The following CPXM1 variants were observed in gnomAD, a reference collection of about 807,000 sequenced individuals.
CPXM1 encodes probable carboxypeptidase X1.
Under a neutral mutation model 80.4 loss-of-function variants are expected in CPXM1, and 72 were observed. That is an observed-to-expected ratio of 0.90 (90% CI 0.74 to 1.09). The LOEUF (loss-of-function observed/expected upper bound fraction) is 1.09. CPXM1 is among the 50% of genes least tolerant of loss of function. The pLI is 0.00. For missense variants in CPXM1, 892 were observed against 999.4 expected, an observed-to-expected ratio of 0.89 and a Z score of 1.45; for synonymous variants, 403 against 405.6, an observed-to-expected ratio of 0.99 and a Z score of 0.08.
Position 2,795,867 on chromosome 20 carries a change from C to G in CPXM1, c.1452G>C (p.Lys484Asn). The G allele has an allele frequency of 6.2e-7, 1 of 1,611,654 alleles. No homozygotes were observed. The highest frequency in any genetic ancestry group is 8.5e-7 in the Non-Finnish European group (1 of 1,178,898). Reference protein sequence around the residue: ...TVAPETRAVIKWMKRIPFVLS... With the variant: ...TVAPETRAVINWMKRIPFVLS... ...GCACAAAGGGGATCCGCTTCATCCACTTGATTACTGCCCGCGTTTCAGGAG... is the reference window on the plus strand; with the variant it reads ...GCACAAAGGGGATCCGCTTCATCCAGTTGATTACTGCCCGCGTTTCAGGAG... The change falls in exon 11 of 14, where the codon AAG (lysine) becomes AAC (asparagine). Residue 484 changes from lysine (K) to asparagine (N), a missense_variant. Physicochemically the swap from Lys to Asn is moderately conservative, Grantham distance 94 (BLOSUM62 0). Around this residue, in one of 2 missense-constraint regions of CPXM1, gnomAD observed 874 missense variants for 958.4 expected, o/e 0.91. Coordinates refer to ENST00000380605, the MANE Select transcript of CPXM1 (RefSeq NM_019609.5). The surrounding 1 kb of genome is among the most constrained non-coding windows in gnomAD (Gnocchi z 5.4).
Position 2,794,386 on chromosome 20 carries a change from A to T in CPXM1, c.2009T>A (p.Met670Lys), listed in dbSNP as rs766560640. The change falls in exon 14 of 14, where the codon ATG becomes AAG. Residue 670 changes from methionine to lysine, a missense_variant. Met to Lys is a moderately conservative substitution (Grantham distance 95). Around this residue, in one of 2 missense-constraint regions of CPXM1, gnomAD observed 874 missense variants for 958.4 expected, o/e 0.91. Transcript: ENST00000380605. This position sits in a 1 kb window ranked among gnomAD's most constrained non-coding sequence, Gnocchi z 5.2. ...GTAGCCCTCGGCACTGGCAGTCACC[A>T]TGTAGTCCCCTGGGGTCAGCAGACG... ...YWRLLTPGDY[M>K]VTASAEGYHS... 1 of 1,614,098 alleles carries T rather than the reference A, an allele frequency of 6.2e-7. No homozygotes were observed. The highest frequency in any genetic ancestry group is 8.5e-7 in the Non-Finnish European group (1 of 1,180,004).
Position 2,797,335 on chromosome 20 carries a change from G to T in CPXM1, c.689C>A (p.Pro230His). ...NHSSGMDAVFPANSDPETPVL... is the reference protein window; with the variant it reads ...NHSSGMDAVFHANSDPETPVL... ...TGGAGTTTCTGGGTCTGAATTGGCA[G>T]GAAATACCTGGGGGCAGCAAGTTCT... The change falls in exon 6 of 14, where the codon CCT (proline) becomes CAT (histidine). Residue 230 changes from proline to histidine, a missense_variant. By Grantham distance (77) the Pro-to-His change is moderately conservative. This residue lies in a region of CPXM1 where 874 missense variants were observed against 958.4 expected (regional missense o/e 0.91). Transcript: ENST00000380605. The T allele has an allele frequency of 6.7e-7, 1 of 1,497,246 alleles. No individual in the cohort carries two copies. Among genetic ancestry groups the T allele is most frequent in the South Asian group, 1.3e-5 (1 of 76,168 alleles). The allele number at this position is 1,497,246 out of a possible 1,614,324, so 92.7% of individuals were successfully genotyped here.
intron 1 of CPXM1, 89 bp from the exon 2 acceptor site, chr20:2,798,982 C>T: frequency 1.5e-6 from 2 of 1,357,606 alleles, no homozygotes; most frequent in Middle Eastern, 2.4e-4. Flanking sequence ...GACATGTGAG[C>T]CCACAGCAGG....
intron 5 of CPXM1, among the ~76,000 whole-genome samples, chr20:2,797,750 C>T (rs897876068): frequency 1.3e-5 from 2 of 152,212 alleles, no homozygotes; most frequent in African/African-American, 4.8e-5. Context: ...AAGCAGCACC[C>T]ACCCTGTGGT....
Position 2,796,794 on chromosome 20 carries a change from C to A in CPXM1, c.922-144G>T. 7.9e-7 allele frequency: 1 copy of A among 1,269,126 alleles called. No homozygotes were observed. The highest frequency in any genetic ancestry group is 2.2e-5 in the Admixed American group (1 of 44,806). The allele number at this position is 1,269,126 out of a possible 1,614,324, so 78.6% of individuals were successfully genotyped here. On this transcript the variant is annotated intron_variant, in intron 7 of 13. Coordinates refer to ENST00000380605, the MANE Select transcript of CPXM1 (RefSeq NM_019609.5). The surrounding 1 kb of genome is among the most constrained non-coding windows in gnomAD (Gnocchi z 6.8). ...TCATGGTACAGGAGGGGAGCGGCAGCAGAGCCGGGAGGAAGGGGTAGGACT... is the reference window on the plus strand; with the variant it reads ...TCATGGTACAGGAGGGGAGCGGCAGAAGAGCCGGGAGGAAGGGGTAGGACT...
intron 1 of CPXM1, 104 bp from the exon 2 acceptor site, chr20:2,798,997 A>ACC: frequency 8.4e-7 from 1 of 1,188,268 alleles, no homozygotes; most frequent in East Asian, 2.3e-5. Context: ...AGCAGGCCAC[A>ACC]CCACCAGGAT....
In CPXM1 at chr20:2,796,061, T is replaced by C; in HGVS notation, c.1343A>G (p.Gln448Arg). 2 of 1,614,088 alleles carry C rather than the reference T, an allele frequency of 1.2e-6. No homozygotes were observed. Among genetic ancestry groups the C allele is most frequent in the Non-Finnish European group, 8.5e-7 (1 of 1,179,988 alleles). Residue 448 changes from glutamine to arginine, a missense_variant, in exon 10 of 14, where the codon CAG (glutamine) becomes CGG (arginine). Physicochemically the swap from Gln to Arg is conservative, Grantham distance 43 (BLOSUM62 1). Coordinates refer to ENST00000380605, the MANE Select transcript of CPXM1 (RefSeq NM_019609.5). This position sits in a 1 kb window ranked among gnomAD's most constrained non-coding sequence, Gnocchi z 6.8. ...ADLNTPLWEA[Q>R]DDGKVPHIVP... ...GATGTGGGGCACCTTCCCATCGTCCTGTGCTTCCCACAGTGGTGTGTTGAG... is the reference window on the plus strand; with the variant it reads ...GATGTGGGGCACCTTCCCATCGTCCCGTGCTTCCCACAGTGGTGTGTTGAG...
In CPXM1 at chr20:2,795,898, T is replaced by G; in HGVS notation, c.1423-2A>C. ...TACTGCCCGCGTTTCAGGAGCCACC[T>G]GGATGGGGCAGGTCAGGAGGGGCAG... is the stretch of plus-strand genomic sequence containing the variant. On this transcript the variant is annotated splice_acceptor_variant, in intron 10 of 13. Transcript: ENST00000380605. LOFTEE classifies it high-confidence loss of function. The surrounding 1 kb of genome is among the most constrained non-coding windows in gnomAD (Gnocchi z 5.4). The G allele has an allele frequency of 1.2e-6, 2 of 1,608,854 alleles. No individual in the cohort carries two copies. The highest frequency in any genetic ancestry group is 1.7e-6 in the Non-Finnish European group (2 of 1,176,238).
At chr20:2,798,646 G>A in intron 2 of CPXM1, 80 bp downstream of exon 2, 2 of 1,552,938 alleles carry the variant, frequency 1.3e-6, no homozygotes, top group African/African-American at 1.4e-5. Context: ...GGGCGTGCCG[G>A]TGCCCATGAG....
chr20:2,798,830 C>T lies in CPXM1; in HGVS notation c.236G>A (p.Arg79Gln), dbSNP rs770296463. The T allele has an allele frequency of 6.2e-6, 10 of 1,614,072 alleles. No homozygotes were observed. The highest frequency in any genetic ancestry group is 2.2e-5 in the East Asian group (1 of 44,882). Reference sequence around the variant, plus strand: ...GGGGCGAGTTAGAGTTAGCTTCTTCCGCTTCTTCATAATGACCTTTTTCTT... The same window carrying T: ...GGGGCGAGTTAGAGTTAGCTTCTTCTGCTTCTTCATAATGACCTTTTTCTT... ...IKKKKVIMKK[R>Q]KKLTLTRPTP... The change falls in exon 2 of 14, where the codon CGG (arginine) becomes CAG (glutamine). Residue 79 changes from arginine to glutamine, a missense_variant. By Grantham distance (43) the Arg-to-Gln change is conservative (BLOSUM62 1). This residue lies in a region of CPXM1 where 874 missense variants were observed against 958.4 expected (regional missense o/e 0.91). Transcript: ENST00000380605.
Position 2,796,890 on chromosome 20 carries a change from G to C in CPXM1, c.921+116C>G. The stretch of plus-strand genomic sequence containing the variant: ...CACAGGAGAGAAGGCTGAGACATCA[G>C]GAGGCAGCAGGGGCATACAAGCGCA... On this transcript the variant is annotated intron_variant, in intron 7 of 13. Coordinates refer to ENST00000380605, the MANE Select transcript of CPXM1 (RefSeq NM_019609.5). This position sits in a 1 kb window ranked among gnomAD's most constrained non-coding sequence, Gnocchi z 6.8. 1.9e-6 allele frequency: 2 copies of C among 1,067,194 alleles called. No individual in the cohort carries two copies. The highest frequency in any genetic ancestry group is 2.8e-6 in the Non-Finnish European group (2 of 712,722). 66.1% of individuals were successfully genotyped at this position (1,067,194 alleles called of 1,614,324 possible). A position where few individuals can be genotyped will look rare whatever the true frequency, so the allele number is the denominator to read the frequency against.
At chr20:2,799,251 A>AC (rs2088542970) in intron 1 of CPXM1, among the ~76,000 whole-genome samples, 1 of 151,862 alleles carries the variant, frequency 6.6e-6, no homozygotes, top group Non-Finnish European at 1.5e-5. Context: ...CTGTAATGCT[A>AC]CCCCTCGCCT....
rs371175094 is a variant in CPXM1 at position 2,795,319 on chromosome 20, C to T, written c.1818G>A (p.Glu606=). 4.0e-5 allele frequency: 64 copies of T among 1,614,056 alleles called. No homozygotes were observed. Among genetic ancestry groups the T allele is most frequent in the Non-Finnish European group, 5.3e-5 (62 of 1,180,034 alleles). The change falls in exon 12 of 14, where the codon GAG becomes GAA. Residue 606 remains glutamate, a synonymous_variant. Transcript: ENST00000380605. This position sits in a 1 kb window ranked among gnomAD's most constrained non-coding sequence, Gnocchi z 5.4. ...KFPHENELPQ[E]WENNKDALLT... is the part of the protein sequence containing the mutation. ...GGAGGGCGTCTTTGTTGTTCTCCCA[C>T]TCCTGGGGCAATTCATTCTCGTGAG...
At chr20:2,798,699 T>C (rs2088536344) in intron 2 of CPXM1, 27 bp downstream of exon 2, 10 of 1,600,538 alleles carry the variant, frequency 6.2e-6, no homozygotes, top group Non-Finnish European at 7.7e-6. Flanking sequence ...GCTGCAAGTC[T>C]GGGCTGGGCC....
rs2088493038 is a variant in CPXM1, at chr20:2,795,295, G to A, written c.1842C>T (p.Leu614=). 1 of 1,613,852 alleles carries A rather than the reference G, an allele frequency of 6.2e-7. No individual in the cohort carries two copies. Among genetic ancestry groups the A allele is most frequent in the Admixed American group, 1.7e-5 (1 of 59,994 alleles). The change falls in exon 12 of 14, where the codon CTC becomes CTT. Residue 614 remains leucine, a synonymous_variant. Transcript: ENST00000380605. This position sits in a 1 kb window ranked among gnomAD's most constrained non-coding sequence, Gnocchi z 5.4. ...PQEWENNKDA[L]LTYLEQVRMG... ...ATCCGACCTGCTCCAGGTAGGTGAG[G>A]AGGGCGTCTTTGTTGTTCTCCCACT... is the stretch of plus-strand genomic sequence containing the variant.
rs747282440 is a variant in CPXM1, at chr20:2,797,111, T to A, written c.833-17A>T. On this transcript the variant is annotated splice_polypyrimidine_tract_variant and intron_variant, in intron 6 of 13. Coordinates refer to ENST00000380605, the MANE Select transcript of CPXM1 (RefSeq NM_019609.5). ...CATTGGGGTCTGGTGGAGGTTGAGT[T>A]TATGGTAAAGGGTGTGTCCACAGTG... The A allele has an allele frequency of 1.2e-6, 2 of 1,613,774 alleles. No homozygotes were observed. The highest frequency in any genetic ancestry group is 4.5e-5 in the East Asian group (2 of 44,860).
In CPXM1 at chr20:2,794,317, G is replaced by C; in HGVS notation, c.2078C>G (p.Pro693Arg). The C allele has an allele frequency of 6.2e-7, 1 of 1,614,174 alleles. No homozygotes were observed. The highest frequency in any genetic ancestry group is 8.5e-7 in the Non-Finnish European group (1 of 1,180,042). Residue 693 changes from proline to arginine, a missense_variant, in exon 14 of 14, where the codon CCC becomes CGC. Around this residue, in one of 2 missense-constraint regions of CPXM1, gnomAD observed 874 missense variants for 958.4 expected, o/e 0.91. Coordinates refer to ENST00000380605, the MANE Select transcript of CPXM1 (RefSeq NM_019609.5). The surrounding 1 kb of genome is among the most constrained non-coding windows in gnomAD (Gnocchi z 5.2). ...GGTGAGCACGAAATTGCAGGGGAAG[G>C]GGCCCTCTTCAAAGGTGACCCGACA... ...RNCRVTFEEG[P>R]FPCNFVLTKT... is the part of the protein sequence containing the mutation.
In CPXM1 at chr20:2,797,028, T is replaced by C. The variant is rs750012532; in HGVS notation, c.899A>G (p.His300Arg). 5.6e-6 allele frequency: 9 copies of C among 1,614,018 alleles called. No homozygotes were observed. The highest frequency in any genetic ancestry group is 7.6e-6 in the Non-Finnish European group (9 of 1,179,966). The stretch of plus-strand genomic sequence containing the variant: ...GACCTTCCTCATGGCCTTGTAATTG[T>C]GATGCTGAAAGTCTAGAGGGTCAGA... ...GSSDPLDFQH[H>R]NYKAMRKLMK... Residue 300 changes from histidine (H) to arginine (R), a missense_variant, in exon 7 of 14, where the codon CAC (histidine) becomes CGC (arginine). Physicochemically the swap from His to Arg is conservative, Grantham distance 29. This residue lies in a region of CPXM1 where 874 missense variants were observed against 958.4 expected (regional missense o/e 0.91). Coordinates refer to ENST00000380605, the MANE Select transcript of CPXM1 (RefSeq NM_019609.5).
rs1420981417 is a variant in CPXM1 at position 2,796,381 on chromosome 20, G to A, written c.1108C>T (p.Leu370Phe). Residue 370 changes from leucine (L) to phenylalanine (F), a missense_variant, in exon 9 of 14, where the codon CTT (leucine) becomes TTT (phenylalanine). Physicochemically the swap from Leu to Phe is conservative, Grantham distance 22 (BLOSUM62 0). Coordinates refer to ENST00000380605, the MANE Select transcript of CPXM1 (RefSeq NM_019609.5). The surrounding 1 kb of genome is among the most constrained non-coding windows in gnomAD (Gnocchi z 6.8). ...CACAGGAACTGCATCAGGAGCAGAA[G>A]CAACTCCCGCCCCAGGGCCTCGTTC... ...HGNEALGRELLLLLMQFLCHE... is the reference protein window; with the variant it reads ...HGNEALGRELFLLLMQFLCHE... The A allele has an allele frequency of 1.9e-6, 3 of 1,614,006 alleles. No homozygotes were observed. The highest frequency in any genetic ancestry group is 2.5e-6 in the Non-Finnish European group (3 of 1,180,012).
Sources: allele counts gnomAD v4.1 joint callset (sites outside exome capture counted in the v4.1 genomes callset), GRCh38; gene constraint gnomAD v4.1.1; regional missense constraint gnomAD v4.1.1; non-coding constraint Gnocchi (gnomAD v3.1); transcripts MANE v1.5; gene names NCBI Gene and HGNC (gene_info 2026-07-23, HGNC 2026-07-21).